The following KANSL3 variants were observed in gnomAD, a reference collection of about 807,000 sequenced individuals.
The protein encoded by KANSL3 is KAT8 regulatory NSL complex subunit 3, also known as NSL complex protein NSL3.
Under a neutral mutation model 89.2 loss-of-function variants are expected in KANSL3, and 16 were observed. The observed-to-expected ratio is 0.18, with a 90% CI of 0.12 to 0.27. KANSL3 has a LOEUF of 0.27. Ranked by LOEUF, KANSL3 falls within the 10% of genes least tolerant of loss-of-function variation. The pLI, the probability that KANSL3 is intolerant of heterozygous loss-of-function variation, is 1.00. For missense variants in KANSL3, 879 were observed against 1,110.6 expected, an observed-to-expected ratio of 0.79 and a Z score of 2.96; for synonymous variants, 385 against 419.7, an observed-to-expected ratio of 0.92 and a Z score of 1.01.
chr2:96,609,883 G>A (rs540275992), intron 11 of KANSL3, among the ~76,000 whole-genome samples: 7 of 148,318 alleles, frequency 4.7e-5, no homozygotes, highest in South Asian at 2.2e-4. Flanking sequence ...CTCAGGAGGC[G>A]GAGGTTGCAG....
intron 3 of KANSL3, chr2:96,628,083 G>T (rs1172369808): frequency 7.8e-7 from 1 of 1,290,312 alleles, no homozygotes; most frequent in South Asian, 1.2e-5. Flanking sequence ...TCCACAAGGA[G>T]ACTGGAGAAA....
chr2:96,609,191 A>C (rs1233063866), intron 12 of KANSL3, 127 bp from the exon 13 acceptor site: 2 of 884,462 alleles, frequency 2.3e-6, no homozygotes, highest in African/African-American at 1.7e-5. Context: ...GTCCTTCCCC[A>C]CTCAAACAAG....
Position 96,593,385 on chromosome 2 carries a change from C to T in KANSL3, c.*2226G>A. 2.2e-6 allele frequency: 1 copy of T among 449,656 alleles called. No individual in the cohort carries two copies. The highest frequency in any genetic ancestry group is 4.5e-6 in the Non-Finnish European group (1 of 222,692). 27.9% of individuals were successfully genotyped at this position (449,656 alleles called of 1,614,324 possible). On this transcript the variant is annotated 3_prime_UTR_variant, in exon 21 of 21. Coordinates refer to ENST00000431828, the MANE Select transcript of KANSL3 (RefSeq NM_001115016.3). ...GAATCTAAGAACTTCCTGATCCTTC[C>T]ACATTTTCTATCAATAATATTGCCT... is the stretch of plus-strand genomic sequence containing the variant.
chr2:96,601,556 T>G (rs6749159), intron 20 of KANSL3, 87 bp downstream of exon 20: 1 of 1,518,668 alleles, frequency 6.6e-7, no homozygotes, highest in Admixed American at 2.2e-5. Context: ...GTCCAGTGCA[T>G]GGGCAGCCCC....
At chr2:96,630,604 G>A (rs574302254) in intron 3 of KANSL3, among the ~76,000 whole-genome samples, 2 of 152,300 alleles carry the variant, frequency 1.3e-5, no homozygotes, top group East Asian at 3.9e-4. Flanking sequence ...TGATAGTGGT[G>A]ATGAATATAC....
rs546873711 is a variant in KANSL3, at chr2:96,626,881, T to C, written c.386+4431A>G. 2.0e-5 allele frequency among the ~76,000 whole-genome samples: 3 copies of C among 152,374 alleles called. No individual in the cohort carries two copies. The South Asian group carries it at 6.2e-4, about 32-fold the overall frequency. On this transcript the variant is annotated intron_variant, in intron 3 of 20. Transcript: ENST00000431828. ...AATGTTTTAGGGTTTCCAGGCCATA[T>C]GGCTTCTGCCACTATTCAATTTTGT... is the stretch of plus-strand genomic sequence containing the variant.
intron 14 of KANSL3, chr2:96,607,020 T>C (rs1361496339): frequency 1.6e-6 from 2 of 1,289,720 alleles, no homozygotes; most frequent in Non-Finnish European, 2.0e-6. Context: ...CACCAGCATA[T>C]TTTGTTTCAG....
the KANSL3 span, among the ~76,000 whole-genome samples, chr2:96,586,989 A>C: frequency 6.6e-6 from 1 of 152,176 alleles, no homozygotes; most frequent in Non-Finnish European, 1.5e-5. Flanking sequence ...TCAGTATCTG[A>C]CCAACCATAA....
chr2:96,622,388 C>A (rs372705233), intron 3 of KANSL3, among the ~76,000 whole-genome samples: 6 of 147,626 alleles, frequency 4.1e-5, no homozygotes, highest in Non-Finnish European at 7.4e-5. Context: ...TGCCACGGGG[C>A]GACAGAACAA....
At chr2:96,623,333 G>A (rs1310305904) in intron 3 of KANSL3, among the ~76,000 whole-genome samples, 1 of 152,176 alleles carries the variant, frequency 6.6e-6, no homozygotes, top group African/African-American at 2.4e-5. Flanking sequence ...CAAGAATGCT[G>A]CTTGAAACAT....
At chr2:96,619,616 G>A in intron 4 of KANSL3, 56 bp downstream of exon 4, 1 of 1,601,830 alleles carries the variant, frequency 6.2e-7, no homozygotes, top group Non-Finnish European at 8.5e-7. Flanking sequence ...AAGTCAGTCA[G>A]CCAGTGAGGC....
At chr2:96,602,904 T>C (rs754430781) in intron 17 of KANSL3, 42 bp from the exon 18 acceptor site, 5 of 1,581,164 alleles carry the variant, frequency 3.2e-6, no homozygotes, top group Non-Finnish European at 4.3e-6. Context: ...ACTCAATCAC[T>C]TGCACTATCC....
intron 2 of KANSL3, among the ~76,000 whole-genome samples, chr2:96,635,589 A>C (rs1407569460): frequency 6.6e-6 from 1 of 152,248 alleles, no homozygotes; most frequent in Admixed American, 6.5e-5. Flanking sequence ...ATTATGCTAA[A>C]TTATTGCCTA....
At position 96,612,268 on chromosome 2, in the gene KANSL3, T is replaced by C. The variant is rs369448527; in HGVS notation, c.1086+14A>G. 106 of 1,588,724 alleles carry C rather than the reference T, an allele frequency of 6.7e-5. No individual in the cohort carries two copies. In the Admixed American group the frequency reaches 6.8e-4, roughly 10 times the overall value. On this transcript the variant is annotated intron_variant, in intron 9 of 20. Transcript: ENST00000431828. ...ATCCCAGGACAACCTCCAAATAAGA[T>C]AGAAATTACTTACATGACAGGCCAC...
chr2:96,612,077 C>T (rs1348608996), intron 9 of KANSL3, among the ~76,000 whole-genome samples: 2 of 152,014 alleles, frequency 1.3e-5, no homozygotes, highest in Non-Finnish European at 1.5e-5. Context: ...GTTTATTATA[C>T]TACACCTGCT....
rs906061129 is a variant in KANSL3, at chr2:96,593,984, G to C, written c.*1627C>G. On this transcript the variant is annotated 3_prime_UTR_variant, in exon 21 of 21. Coordinates refer to ENST00000431828, the MANE Select transcript of KANSL3 (RefSeq NM_001115016.3). ...CTAATTCTGTGTGAATCCCTGTTGA[G>C]ATCAGCTTTTCAGGTCAGGGAGGGA... 3 of 152,340 alleles carry C rather than the reference G, an allele frequency of 2.0e-5. No homozygotes were observed. Among genetic ancestry groups the C allele is most frequent in the Admixed American group, 6.5e-5 (1 of 15,300 alleles). The allele number at this position is 152,340 out of a possible 1,614,324, so 9.4% of individuals were successfully genotyped here.
chr2:96,605,391 T>C lies in KANSL3; in HGVS notation c.1862A>G (p.Lys621Arg), dbSNP rs2067825123. 2 of 1,613,840 alleles carry C rather than the reference T, an allele frequency of 1.2e-6. No individual in the cohort carries two copies. The highest frequency in any genetic ancestry group is 1.1e-5 in the South Asian group (1 of 91,094). Residue 621 changes from lysine (K) to arginine (R), a missense_variant, in exon 15 of 21, where the codon AAG becomes AGG. By Grantham distance (26) the Lys-to-Arg change is conservative. Coordinates refer to ENST00000431828, the MANE Select transcript of KANSL3 (RefSeq NM_001115016.3). Reference protein sequence around the residue: ...GSKTSKRPKIKVSLISQGDTA... With the variant: ...GSKTSKRPKIRVSLISQGDTA... Reference sequence around the variant, plus strand: ...GTCCCCTTGGGAGATAAGGGACACCTTGATCTTCGGTCGTTTGGAGGTCTT... The same window carrying C: ...GTCCCCTTGGGAGATAAGGGACACCCTGATCTTCGGTCGTTTGGAGGTCTT...
chr2:96,610,791 G>A lies in KANSL3; in HGVS notation c.1254C>T (p.Asp418=), dbSNP rs1314673405. 1 of 1,613,990 alleles carries A rather than the reference G, an allele frequency of 6.2e-7. No homozygotes were observed. The highest frequency in any genetic ancestry group is 2.2e-5 in the East Asian group (1 of 44,884). Residue 418 remains aspartate (D), a synonymous_variant, in exon 11 of 21, where the codon GAC becomes GAT. Coordinates refer to ENST00000431828, the MANE Select transcript of KANSL3 (RefSeq NM_001115016.3). ...SLQCHPEAME[D]FREKIRAENS... The stretch of plus-strand genomic sequence containing the variant: ...TCTCAGCTCGAATCTTCTCCCGGAA[G>A]TCCTCCATGGCTTCAGGGTGACATT...
downstream of KANSL3, among the ~76,000 whole-genome samples, chr2:96,589,932 T>C (rs1217587728): frequency 6.6e-6 from 1 of 151,058 alleles, no homozygotes; most frequent in Non-Finnish European, 1.5e-5. Flanking sequence ...GTGGATTACC[T>C]GAGGTCAGGA....
Sources: gnomAD v4.1 joint callset for allele counts (sites outside exome capture counted in the v4.1 genomes callset) on GRCh38, gnomAD v4.1.1 for gene constraint, MANE v1.5 for transcripts, NCBI Gene and HGNC (gene_info 2026-07-23, HGNC 2026-07-21) for gene names.